AFG2A: variants seen among roughly 807,000 people sequenced by gnomAD.
The protein encoded by AFG2A is ATPase family gene 2 protein homolog A.
the AFG2A span, among the ~76,000 whole-genome samples, chr4:123,196,167 A>ATTTTT: frequency 0.012 from 928 of 79,662 alleles, 67 homozygotes; most frequent in Non-Finnish European, 0.016. Flanking sequence ...TGCCCAGCTA[A>ATTTTT]TTTTTTTTTT....
chr4:122,929,206 C>G, the AFG2A span: 1 of 1,558,622 alleles, frequency 6.4e-7, no homozygotes, highest in Non-Finnish European at 8.7e-7. Flanking sequence ...AGGTTTGGCT[C>G]TTTTCTTTGG....
At chr4:123,194,588 TGA>T in the AFG2A span, among the ~76,000 whole-genome samples, 1 of 152,176 alleles carries the variant, frequency 6.6e-6, no homozygotes. Flanking sequence ...TTACATGAAA[TGA>T]TATGAAGTTA....
At chr4:122,967,486 C>T in the AFG2A span, among the ~76,000 whole-genome samples, 1 of 152,134 alleles carries the variant, frequency 6.6e-6, no homozygotes, top group Non-Finnish European at 1.5e-5. Flanking sequence ...CCCTGCCTTT[C>T]ATACCAACCA....
chr4:123,287,367 C>G, the AFG2A span, among the ~76,000 whole-genome samples: 8 of 152,288 alleles, frequency 5.3e-5, no homozygotes, highest in South Asian at 6.2e-4. Context: ...CCTACATGAA[C>G]ACATGAGCAC....
the AFG2A span, among the ~76,000 whole-genome samples, chr4:123,164,402 C>T: frequency 6.6e-6 from 1 of 152,160 alleles, no homozygotes. Flanking sequence ...CTCGCCCTGT[C>T]ACCCAGGCTG....
At chr4:123,039,226 C>T in the AFG2A span, among the ~76,000 whole-genome samples, 9 of 152,174 alleles carry the variant, frequency 5.9e-5, no homozygotes, top group South Asian at 1.9e-3. Context: ...ATAAAGAAAT[C>T]TCTTCACTGG....
At chr4:123,177,951 C>G in the AFG2A span, among the ~76,000 whole-genome samples, 1 of 152,140 alleles carries the variant, frequency 6.6e-6, no homozygotes, top group African/African-American at 2.4e-5. Flanking sequence ...TGTTTTAAAA[C>G]ATTATTTTGC....
At chr4:123,165,342 C>T in the AFG2A span, among the ~76,000 whole-genome samples, 5 of 151,828 alleles carry the variant, frequency 3.3e-5, no homozygotes, top group South Asian at 1.0e-3. Flanking sequence ...ATTATTGAAT[C>T]GTATGCTTAA....
the AFG2A span, among the ~76,000 whole-genome samples, chr4:123,052,658 A>G: frequency 6.6e-6 from 1 of 152,216 alleles, no homozygotes; most frequent in African/African-American, 2.4e-5. Context: ...CACTTCAGCT[A>G]TCTAAACACT....
At chr4:122,998,425 A>G in the AFG2A span, among the ~76,000 whole-genome samples, 1 of 151,912 alleles carries the variant, frequency 6.6e-6, no homozygotes, top group Non-Finnish European at 1.5e-5. Context: ...CTCGTCATTT[A>G]GCATTAGGTA....
chr4:122,947,116 A>G, the AFG2A span: 1 of 919,190 alleles, frequency 1.1e-6, no homozygotes, highest in Non-Finnish European at 1.5e-6. Context: ...AAGAAATAGG[A>G]CTTAGTAGCC....
chr4:123,044,499 A>C, the AFG2A span, among the ~76,000 whole-genome samples: 7 of 152,046 alleles, frequency 4.6e-5, no homozygotes, highest in Non-Finnish European at 7.4e-5. Context: ...CTTCACCATA[A>C]ATTTGCTTCT....
the AFG2A span, among the ~76,000 whole-genome samples, chr4:122,983,631 ATTC>A: frequency 1.3e-5 from 2 of 151,352 alleles, no homozygotes; most frequent in African/African-American, 2.4e-5. Flanking sequence ...TTTTCCTGTT[ATTC>A]TTTTCTGGTT....
At chr4:123,134,288 G>T in the AFG2A span, among the ~76,000 whole-genome samples, 80 of 152,188 alleles carry the variant, frequency 5.3e-4, no homozygotes, top group Non-Finnish European at 9.9e-4. Context: ...TGTATAAGGG[G>T]TGAGAAAAGG....
chr4:123,156,155 G>A, the AFG2A span, among the ~76,000 whole-genome samples: 2 of 152,084 alleles, frequency 1.3e-5, no homozygotes, highest in African/African-American at 4.8e-5. Context: ...CCTTAAGTTA[G>A]GACTCTCAGC....
the AFG2A span, among the ~76,000 whole-genome samples, chr4:123,018,051 G>A: frequency 6.6e-5 from 10 of 151,984 alleles, no homozygotes; most frequent in African/African-American, 2.4e-4. Flanking sequence ...TTTTTAACCT[G>A]ATCATCAAGT....
the AFG2A span, among the ~76,000 whole-genome samples, chr4:123,240,348 C>T: frequency 6.6e-6 from 1 of 152,162 alleles, no homozygotes; most frequent in African/African-American, 2.4e-5. Flanking sequence ...CACCACGTCG[C>T]AATTACTCTA....
chr4:123,249,517 C>T, the AFG2A span, among the ~76,000 whole-genome samples: 1 of 152,006 alleles, frequency 6.6e-6, no homozygotes, highest in Non-Finnish European at 1.5e-5. Flanking sequence ...AAAATGATCA[C>T]ATTAGCCATG....
At chr4:123,118,900 G>T in the AFG2A span, among the ~76,000 whole-genome samples, 1 of 152,114 alleles carries the variant, frequency 6.6e-6, no homozygotes, top group East Asian at 1.9e-4. Flanking sequence ...GATTTCATTT[G>T]TCTTAGGGCA....
Sources: allele counts gnomAD v4.1 joint callset (sites outside exome capture counted in the v4.1 genomes callset), GRCh38; gene constraint gnomAD v4.1.1; transcripts MANE v1.5; gene names NCBI Gene and HGNC (gene_info 2026-07-23, HGNC 2026-07-21).